SAMD14: variants seen among roughly 807,000 people sequenced by gnomAD.
The protein encoded by SAMD14 is sterile alpha motif domain-containing protein 14.
A neutral mutation model predicts 46.2 loss-of-function variants in SAMD14; 27 were observed. That is an observed-to-expected ratio of 0.58 (90% CI 0.43 to 0.81). The LOEUF is 0.81. Ranked by LOEUF, SAMD14 falls within the 30% of genes least tolerant of loss-of-function variation. The probability of loss-of-function intolerance (pLI) is 0.00; values close to 1 mark genes in which losing one functional copy is unlikely to be tolerated. For missense variants in SAMD14, 559 were observed against 582.2 expected (o/e 0.96, Z 0.41); for synonymous variants, 241 against 254.3 (o/e 0.95, Z 0.50).
chr17:50,117,391 G>C lies in SAMD14; in HGVS notation c.499+16C>G, dbSNP rs759958644. ...GGGAGCGACCAGCAGGAGGTGCGGC[G>C]CTGGCCGCCTCTCACCTTCGCTGTG... On this transcript the variant is annotated intron_variant, in intron 4 of 9. Transcript: ENST00000330175. 5 of 1,292,982 alleles carry C rather than the reference G, an allele frequency of 3.9e-6. No homozygotes were observed. Among genetic ancestry groups the C allele is most frequent in the Non-Finnish European group, 4.9e-6 (5 of 1,022,606 alleles). The allele number at this position is 1,292,982 out of a possible 1,614,324, so 80.1% of individuals were successfully genotyped here.
At chr17:50,123,880 G>A (rs1911618124) in intron 2 of SAMD14, among the ~76,000 whole-genome samples, 1 of 152,182 alleles carries the variant, frequency 6.6e-6, no homozygotes, top group African/African-American at 2.4e-5. Context: ...GTTTCCGTCA[G>A]GCCTGGGCTT....
At chr17:50,126,078 C>T (rs1206489509) in intron 1 of SAMD14, among the ~76,000 whole-genome samples, 1 of 152,028 alleles carries the variant, frequency 6.6e-6, no homozygotes, top group African/African-American at 2.4e-5. Context: ...AGTGAGGAAG[C>T]CCAGGGGCCA....
chr17:50,124,919 A>G lies in SAMD14; in HGVS notation c.41T>C (p.Phe14Ser). The G allele has an allele frequency of 6.2e-7, 1 of 1,614,102 alleles. No homozygotes were observed. The highest frequency in any genetic ancestry group is 1.3e-5 in the African/African-American group (1 of 75,024). Reference sequence around the variant, plus strand: ...AGATAGAGCCACACAGAACTTACCAAAAACTTCATCCACGGGTTCTCGGAG... The same window carrying G: ...AGATAGAGCCACACAGAACTTACCAGAAACTTCATCCACGGGTTCTCGGAG... Reference protein sequence around the residue: ...SKLREPVDEVFDLDLAVPETA... With the variant: ...SKLREPVDEVSDLDLAVPETA... The change falls in exon 2 of 10, where the codon TTT becomes TCT. Residue 14 changes from phenylalanine to serine, a missense_variant and splice_region_variant. Transcript: ENST00000330175.
intron 1 of SAMD14, among the ~76,000 whole-genome samples, chr17:50,128,390 C>A (rs1428902637): frequency 6.6e-6 from 1 of 151,702 alleles, no homozygotes; most frequent in African/African-American, 2.4e-5. Flanking sequence ...AGACCCCTCC[C>A]ACCCAACCCT....
At chr17:50,121,887 C>T (rs1911520450) in intron 2 of SAMD14, among the ~76,000 whole-genome samples, 1 of 152,182 alleles carries the variant, frequency 6.6e-6, no homozygotes, top group African/African-American at 2.4e-5. Context: ...TTTTAGGTGT[C>T]AGCTTTCTCA....
Position 50,110,268 on chromosome 17 carries a change from C to A in SAMD14, c.*2625G>T. On this transcript the variant is annotated 3_prime_UTR_variant, in exon 10 of 10. Transcript: ENST00000330175. ...TAGGTCTGTGATGGTCCCTAAGTGC[C>A]AGTCCATCTCTGTGGAGACCCCTCG... The A allele has an allele frequency of 1.6e-6, 1 of 631,504 alleles. No individual in the cohort carries two copies. Among genetic ancestry groups the A allele is most frequent in the Non-Finnish European group, 2.5e-6 (1 of 404,500 alleles). 39.1% of individuals were successfully genotyped at this position (631,504 alleles called of 1,614,324 possible).
At chr17:50,124,554 G>A (rs558817911) in intron 2 of SAMD14, among the ~76,000 whole-genome samples, 1 of 152,184 alleles carries the variant, frequency 6.6e-6, no homozygotes, top group East Asian at 1.9e-4. Context: ...AGTCACTTCA[G>A]CCCTCTGTAC....
rs764883920 is a variant in SAMD14, at chr17:50,113,957, C to T, written c.1065G>A (p.Pro355=). 9.3e-6 allele frequency: 15 copies of T among 1,613,654 alleles called. No homozygotes were observed. Among genetic ancestry groups the T allele is most frequent in the Admixed American group, 5.0e-5 (3 of 60,008 alleles). The change falls in exon 9 of 10, where the codon CCG becomes CCA. Residue 355 remains proline (P), a synonymous_variant. Coordinates refer to ENST00000330175, the MANE Select transcript of SAMD14 (RefSeq NM_001257359.2). ...TGCTTCCGTCCAGCTGCAGCAGCTGCGGCCCGTCTACCTGCCGTGCAGCAA... is the reference window on the plus strand; with the variant it reads ...TGCTTCCGTCCAGCTGCAGCAGCTGTGGCCCGTCTACCTGCCGTGCAGCAA... ...AEFAARQVDG[P]QLLQLDGSKL...
Position 50,117,663 on chromosome 17 carries a change from C to G in SAMD14, c.243G>C (p.Arg81=). The change falls in exon 4 of 10, where the codon CGG becomes CGC. Residue 81 remains arginine, a synonymous_variant. Transcript: ENST00000330175. Reference sequence around the variant, plus strand: ...GGCCTGAGTGCAAAGGCGAGCGCAGCCGGTGCAGGGGGCTCCCGCAGCCAT... The same window carrying G: ...GGCCTGAGTGCAAAGGCGAGCGCAGGCGGTGCAGGGGGCTCCCGCAGCCAT... ...VTDGCGSPLH[R]LRSPLHSGPG... is the part of the protein sequence containing the mutation. 6.5e-7 allele frequency: 1 copy of G among 1,542,196 alleles called. No homozygotes were observed. The highest frequency in any genetic ancestry group is 8.7e-7 in the Non-Finnish European group (1 of 1,155,194).
chr17:50,128,656 C>T (rs1911892614), intron 1 of SAMD14, among the ~76,000 whole-genome samples: 2 of 152,184 alleles, frequency 1.3e-5, no homozygotes, highest in African/African-American at 4.8e-5. Flanking sequence ...GGTGAGCTCA[C>T]AGCCTCTTGG....
At chr17:50,127,151 T>C (rs761733367) in intron 1 of SAMD14, among the ~76,000 whole-genome samples, 33 of 151,008 alleles carry the variant, frequency 2.2e-4, no homozygotes, top group Admixed American at 5.3e-4. Flanking sequence ...AAAGCAATAA[T>C]AATAATAATA....
rs776235505 is a variant in SAMD14, at chr17:50,118,270, C to T, written c.101G>A (p.Arg34Gln). The change falls in exon 3 of 10, where the codon CGG becomes CAG. Residue 34 changes from arginine to glutamine, a missense_variant. By Grantham distance (43) the Arg-to-Gln change is conservative. Transcript: ENST00000330175. Reference protein sequence around the residue: ...ARLDSSLHKARAQLLAKGRRH... With the variant: ...ARLDSSLHKAQAQLLAKGRRH... ...CCGGCCCTTGGCCAACAGTTGGGCC[C>T]GGGCCTTGTGTAAACTGCTGTCCAG... 1 of 1,613,938 alleles carries T rather than the reference C, an allele frequency of 6.2e-7. No individual in the cohort carries two copies. The highest frequency in any genetic ancestry group is 8.5e-7 in the Non-Finnish European group (1 of 1,180,006).
rs534187725 is a variant in SAMD14 at position 50,110,158 on chromosome 17, G to A, written c.*2735C>T. 228 of 1,499,128 alleles carry A rather than the reference G, an allele frequency of 1.5e-4. 2 individuals carry two copies. In the South Asian group the frequency reaches 2.8e-3, roughly 18 times the overall value. The allele number at this position is 1,499,128 out of a possible 1,614,324, so 92.9% of individuals were successfully genotyped here. ...GCCGCCTCTGGGTCCCCCCACCGTG[G>A]TGCCCCTCACCATCCTCCTGGGGGA... is the stretch of plus-strand genomic sequence containing the variant. On this transcript the variant is annotated 3_prime_UTR_variant, in exon 10 of 10. Transcript: ENST00000330175.
At chr17:50,127,236 T>G (rs1448660397) in intron 1 of SAMD14, among the ~76,000 whole-genome samples, 1 of 152,118 alleles carries the variant, frequency 6.6e-6, no homozygotes, top group Non-Finnish European at 1.5e-5. Flanking sequence ...ATCTTCAGTT[T>G]AGGGGTGGAG....
At position 50,113,715 on chromosome 17, in the gene SAMD14, A is replaced by G. The variant is rs1911004336; in HGVS notation, c.1098+209T>C. 3 of 596,876 alleles carry G rather than the reference A, an allele frequency of 5.0e-6. No individual in the cohort carries two copies. In the Admixed American group the frequency reaches 9.0e-5, roughly 18 times the overall value. 37.0% of individuals were successfully genotyped at this position (596,876 alleles called of 1,614,324 possible). Reference sequence around the variant, plus strand: ...ACTGAAGTCATGGACTAGAGTTTCAAGTCAAACTAGGGATTCATGCTACAA... The same window carrying G: ...ACTGAAGTCATGGACTAGAGTTTCAGGTCAAACTAGGGATTCATGCTACAA... On this transcript the variant is annotated intron_variant, in intron 9 of 9. Transcript: ENST00000330175.
chr17:50,128,754 G>A (rs1421776940), intron 1 of SAMD14, among the ~76,000 whole-genome samples: 1 of 152,188 alleles, frequency 6.6e-6, no homozygotes, highest in Non-Finnish European at 1.5e-5. Flanking sequence ...GGAGTAGGAA[G>A]AAGCAGAGAC....
chr17:50,125,073 G>C (rs2144416252), intron 1 of SAMD14, 102 bp from the exon 2 acceptor site: 1 of 1,015,990 alleles, frequency 9.8e-7, no homozygotes, highest in East Asian at 2.4e-5. Flanking sequence ...CTCCAGGCCT[G>C]TTGGCCCCTC....
In SAMD14 at chr17:50,114,272, C is replaced by G. The variant is rs1418509005; in HGVS notation, c.857G>C (p.Ser286Thr). ...CCCACTGGGGATCTTGGGGCTGCTGCTGGGGGGCGTGGAGTCATCACTCAG... is the reference window on the plus strand; with the variant it reads ...CCCACTGGGGATCTTGGGGCTGCTGGTGGGGGGCGTGGAGTCATCACTCAG... ...STLSDDSTPP[S>T]SSPKIPSGPW... is the part of the protein sequence containing the mutation. Residue 286 changes from serine (S) to threonine (T), a missense_variant, in exon 8 of 10, where the codon AGC (serine) becomes ACC (threonine). Coordinates refer to ENST00000330175, the MANE Select transcript of SAMD14 (RefSeq NM_001257359.2). 3 of 1,613,892 alleles carry G rather than the reference C, an allele frequency of 1.9e-6. No individual in the cohort carries two copies. The highest frequency in any genetic ancestry group is 2.2e-5 in the East Asian group (1 of 44,900).
chr17:50,124,914 T>A lies in SAMD14; in HGVS notation c.43+3A>T. ...GCTAGAGATAGAGCCACACAGAACT[T>A]ACCAAAAACTTCATCCACGGGTTCT... On this transcript the variant is annotated splice_donor_region_variant and intron_variant, in intron 2 of 9. Transcript: ENST00000330175. 6.2e-7 allele frequency: 1 copy of A among 1,613,548 alleles called. No individual in the cohort carries two copies. The highest frequency in any genetic ancestry group is 8.5e-7 in the Non-Finnish European group (1 of 1,179,764).
Sources: gnomAD v4.1 joint callset for allele counts (sites outside exome capture counted in the v4.1 genomes callset) on GRCh38, gnomAD v4.1.1 for gene constraint, MANE v1.5 for transcripts, NCBI Gene and HGNC (gene_info 2026-07-23, HGNC 2026-07-21) for gene names.